DGKB: variants seen among roughly 807,000 people sequenced by gnomAD.
The protein encoded by DGKB is 90 kDa diacylglycerol kinase.
DGKB carries 67 observed loss-of-function variants against 114.3 expected under a neutral mutation model. The ratio of observed to expected loss-of-function variants is 0.59; its 90% CI spans 0.48 to 0.72. The LOEUF (loss-of-function observed/expected upper bound fraction) is 0.72. Among genes scored for constraint, DGKB ranks in the 30% least tolerant of loss-of-function variants. The pLI, the probability that DGKB is intolerant of heterozygous loss-of-function variation, is 0.00. For missense variants in DGKB, 907 were observed against 975.2 expected (o/e 0.93, Z 0.93); for synonymous variants, 398 against 323.1 (o/e 1.23, Z -2.49).
chr7:14,335,924 C>T (rs1386949346), intron 23 of DGKB, among the ~76,000 whole-genome samples: 1 of 151,932 alleles, frequency 6.6e-6, no homozygotes, highest in African/African-American at 2.4e-5. Context: ...GGTGCTATTC[C>T]CACTTCCTCC....
upstream of DGKB, among the ~76,000 whole-genome samples, chr7:14,904,087 G>A (rs1783515112): frequency 6.6e-6 from 1 of 152,088 alleles, no homozygotes; most frequent in African/African-American, 2.4e-5. Context: ...GCAGAACTTA[G>A]AAATGGAAGA....
chr7:14,936,575 A>C (rs764742060), intron 1 of DGKB, among the ~76,000 whole-genome samples: 1 of 152,128 alleles, frequency 6.6e-6, no homozygotes, highest in Non-Finnish European at 1.5e-5. Flanking sequence ...TCATGTCTTC[A>C]AAAAGAAGCA....
chr7:14,519,920 G>C (rs1447098452), intron 20 of DGKB, among the ~76,000 whole-genome samples: 1 of 151,594 alleles, frequency 6.6e-6, no homozygotes, highest in African/African-American at 2.4e-5. Context: ...ATTATTATTG[G>C]AGAGAGATAT....
chr7:14,584,302 T>C (rs1376341758), intron 17 of DGKB, among the ~76,000 whole-genome samples: 1 of 152,198 alleles, frequency 6.6e-6, no homozygotes, highest in Non-Finnish European at 1.5e-5. Flanking sequence ...TACAAAAAAG[T>C]ATTGTATTTA....
intron 1 of DGKB, among the ~76,000 whole-genome samples, chr7:14,939,983 A>G (rs1785483374): frequency 6.6e-6 from 1 of 152,120 alleles, no homozygotes; most frequent in South Asian, 2.1e-4. Flanking sequence ...TGGTTTTACT[A>G]CTGAACAGGG....
intron 21 of DGKB, among the ~76,000 whole-genome samples, chr7:14,467,742 A>C (rs1221926979): frequency 6.6e-6 from 1 of 152,200 alleles, no homozygotes; most frequent in Non-Finnish European, 1.5e-5. Context: ...ATAATGTTGA[A>C]CATTTTCACA....
intron 2 of DGKB, among the ~76,000 whole-genome samples, chr7:14,781,197 A>G (rs1174533203): frequency 6.6e-6 from 1 of 152,226 alleles, no homozygotes; most frequent in South Asian, 2.1e-4. Context: ...ACTAACTCAC[A>G]GCCTTCAAAA....
At chr7:14,907,742 T>C (rs1384390037), upstream of DGKB, among the ~76,000 whole-genome samples, 1 of 152,216 alleles carries the variant, frequency 6.6e-6, no homozygotes, top group Non-Finnish European at 1.5e-5. Context: ...AGCAAGCTTA[T>C]TGTTGACCTA....
intron 1 of DGKB, among the ~76,000 whole-genome samples, chr7:14,920,779 C>G (rs1784475337): frequency 6.6e-6 from 1 of 152,044 alleles, no homozygotes; most frequent in South Asian, 2.1e-4. Flanking sequence ...GATAAGTAAA[C>G]TAGGGTACGT....
chr7:14,179,840 T>C lies in DGKB; in HGVS notation c.2123-1689A>G, dbSNP rs183063842. On this transcript the variant is annotated intron_variant, in intron 23 of 25. Transcript: ENST00000402815. ...ACAATATTTTAGCTACAAAATCAAATGTTAACTTAGAGCTTCCACCTTGCT... is the reference window on the plus strand; with the variant it reads ...ACAATATTTTAGCTACAAAATCAAACGTTAACTTAGAGCTTCCACCTTGCT... 4.1e-3 allele frequency among the ~76,000 whole-genome samples: 619 copies of C among 152,290 alleles called. 14 individuals are homozygous for C. The highest frequency in any genetic ancestry group is 0.038 in the Admixed American group (583 of 15,280).
At chr7:14,517,709 G>A (rs10240092) in intron 20 of DGKB, among the ~76,000 whole-genome samples, 64,210 of 151,748 alleles carry the variant, frequency 0.42, 14,350 homozygotes, top group East Asian at 0.73. Context: ...ATATAAAAAA[G>A]GCCCAAAATC....
intron 1 of DGKB, among the ~76,000 whole-genome samples, chr7:14,911,882 CAT>C (rs769926126): frequency 6.6e-6 from 1 of 152,276 alleles, no homozygotes; most frequent in Admixed American, 6.5e-5. Flanking sequence ...TACATAATAA[CAT>C]GTTAGAATAT....
Position 14,199,742 on chromosome 7 carries a change from TA to T in DGKB, c.2123-21592del, listed in dbSNP as rs1163242909. ...GAAGCTCTTAATTAGGCTAATAATT[TA>T]ATATAAGTATGTTACTATGTTATTG... On this transcript the variant is annotated intron_variant, in intron 23 of 25. Transcript: ENST00000402815. Among the ~76,000 whole-genome samples, 16 of 152,018 alleles carry T rather than the reference TA, an allele frequency of 1.1e-4. 1 individual carries two copies. Among genetic ancestry groups the T allele is most frequent in the Admixed American group, 6.6e-5 (1 of 15,232 alleles).
chr7:14,941,809 G>A (rs78674804), intron 1 of DGKB, among the ~76,000 whole-genome samples: 2,131 of 152,114 alleles, frequency 0.014, 56 homozygotes, highest in African/African-American at 0.049. Context: ...AAATGATTTA[G>A]ATACAGATGA....
Position 14,353,651 on chromosome 7 carries a change from A to G in DGKB, c.1836-8260T>C, listed in dbSNP as rs536988381. 1.1e-4 allele frequency among the ~76,000 whole-genome samples: 16 copies of G among 152,332 alleles called. 1 individual carries two copies. The South Asian group carries it at 2.9e-3, about 28-fold the overall frequency. On this transcript the variant is annotated intron_variant, in intron 21 of 25. Transcript: ENST00000402815. ...ATATTCTGTCACTTGCAGCCAAAGC[A>G]CACTCAAAACATAACTCACTATGTT...
intron 13 of DGKB, among the ~76,000 whole-genome samples, chr7:14,669,155 G>A (rs1818537746): frequency 6.6e-6 from 1 of 152,084 alleles, no homozygotes; most frequent in African/African-American, 2.4e-5. Context: ...GAAAACAGAA[G>A]TATTATATCT....
intron 21 of DGKB, among the ~76,000 whole-genome samples, chr7:14,447,028 G>C (rs1198548526): frequency 1.3e-5 from 2 of 152,068 alleles, no homozygotes; most frequent in Non-Finnish European, 2.9e-5. Context: ...TCCTTAACTT[G>C]ACCCACTGCT....
chr7:14,378,438 G>T (rs1336101426), intron 21 of DGKB, among the ~76,000 whole-genome samples: 2 of 152,118 alleles, frequency 1.3e-5, no homozygotes, highest in Non-Finnish European at 2.9e-5. Flanking sequence ...AGATAAAATG[G>T]ATTCAGTTTA....
At chr7:14,565,348 A>C (rs1294995770) in intron 20 of DGKB, among the ~76,000 whole-genome samples, 1 of 152,208 alleles carries the variant, frequency 6.6e-6, no homozygotes, top group East Asian at 1.9e-4. Context: ...CACTAAAGGC[A>C]CAACCACCCA....
Sources: allele counts gnomAD v4.1 joint callset (sites outside exome capture counted in the v4.1 genomes callset), GRCh38; gene constraint gnomAD v4.1.1; transcripts MANE v1.5; gene names NCBI Gene and HGNC (gene_info 2026-07-23, HGNC 2026-07-21).